LINGO2: variants seen among roughly 807,000 people sequenced by gnomAD.
The protein encoded by LINGO2 is leucine rich repeat and Ig domain containing 2.
In LINGO2, 14 loss-of-function variants were observed where a neutral mutation model predicts 30.6. The observed-to-expected ratio is 0.46, with a 90% CI of 0.30 to 0.72. The LOEUF (loss-of-function observed/expected upper bound fraction) is 0.72, where lower values mean the gene tolerates loss of function less well. Among genes scored for constraint, LINGO2 ranks in the 30% least tolerant of loss-of-function variants. The pLI is 0.07. For synonymous variants in LINGO2, 317 were observed against 288.5 expected, an observed-to-expected ratio of 1.10 and a Z score of -1.00; for missense variants, 729 against 751.7, an observed-to-expected ratio of 0.97 and a Z score of 0.35.
chr9:28,828,275 T>C, the LINGO2 span, among the ~76,000 whole-genome samples: 1 of 151,968 alleles, frequency 6.6e-6, no homozygotes, highest in Non-Finnish European at 1.5e-5. Flanking sequence ...TTCCTTAGAA[T>C]AATGGTTTTA....
At chr9:28,602,305 G>GAAAC (rs199589447) in intron 1 of LINGO2, among the ~76,000 whole-genome samples, 7 of 151,812 alleles carry the variant, frequency 4.6e-5, no homozygotes, top group South Asian at 2.1e-4. Context: ...CTGGCAAATA[G>GAAAC]AAACAAACAA....
intron 4 of LINGO2, among the ~76,000 whole-genome samples, chr9:28,186,483 T>C (rs1391697871): frequency 1.3e-5 from 2 of 152,104 alleles, no homozygotes; most frequent in Non-Finnish European, 2.9e-5. Context: ...TTCACAAGGC[T>C]AATGTTCTAG....
chr9:28,367,259 C>G (rs902616587), intron 3 of LINGO2, among the ~76,000 whole-genome samples: 1 of 152,072 alleles, frequency 6.6e-6, no homozygotes, highest in Non-Finnish European at 1.5e-5. Flanking sequence ...TAATTAACTC[C>G]CAAATCATCC....
rs1426685105 is a variant in LINGO2 at position 28,048,816 on chromosome 9, C to T, written c.-86-36411G>A. On this transcript the variant is annotated intron_variant, in intron 4 of 5. Coordinates refer to ENST00000379992, the Ensembl canonical transcript of LINGO2. ...ATAGAAATGTTAAAAGTACCACAAT[C>T]GATGAAAATAGCAACATATATATGT... Among the ~76,000 whole-genome samples, 4 of 150,096 alleles carry T rather than the reference C, an allele frequency of 2.7e-5. 1 individual carries two copies. Among genetic ancestry groups the T allele is most frequent in the East Asian group, 4.0e-4 (2 of 5,058 alleles).
chr9:29,001,463 T>C, the LINGO2 span, among the ~76,000 whole-genome samples: 1 of 152,108 alleles, frequency 6.6e-6, no homozygotes, highest in East Asian at 1.9e-4. Context: ...GATAAGATCA[T>C]AAAATAAGAA....
chr9:29,179,532 G>A, the LINGO2 span, among the ~76,000 whole-genome samples: 1 of 151,476 alleles, frequency 6.6e-6, no homozygotes, highest in Non-Finnish European at 1.5e-5. Context: ...AGCTTCCCCA[G>A]GAGCTGAGAC....
At chr9:28,171,196 G>A (rs540488737) in intron 4 of LINGO2, among the ~76,000 whole-genome samples, 51 of 152,218 alleles carry the variant, frequency 3.4e-4, no homozygotes, top group African/African-American at 1.2e-3. Context: ...AATGAAAACC[G>A]ACTGCAACAT....
chr9:29,048,766 A>C, the LINGO2 span, among the ~76,000 whole-genome samples: 1 of 152,232 alleles, frequency 6.6e-6, no homozygotes, highest in African/African-American at 2.4e-5. Flanking sequence ...ATCCATATGC[A>C]GAAAAATAAA....
chr9:29,026,457 A>G, the LINGO2 span, among the ~76,000 whole-genome samples: 4 of 152,152 alleles, frequency 2.6e-5, no homozygotes, highest in African/African-American at 7.2e-5. Context: ...TCTAATGATG[A>G]ACTTAATACT....
chr9:27,956,190 G>A (rs113693969), intron 5 of LINGO2, among the ~76,000 whole-genome samples: 1 of 152,092 alleles, frequency 6.6e-6, no homozygotes, highest in African/African-American at 2.4e-5. Flanking sequence ...TGATCTGCCC[G>A]CCTCGGCTCC....
chr9:29,051,894 G>A, the LINGO2 span, among the ~76,000 whole-genome samples: 5 of 151,970 alleles, frequency 3.3e-5, no homozygotes, highest in Non-Finnish European at 5.9e-5. Context: ...ATTAATAATT[G>A]GGTTTCTGTC....
chr9:28,640,943 C>T (rs75089665), intron 1 of LINGO2, among the ~76,000 whole-genome samples: 3 of 152,228 alleles, frequency 2.0e-5, no homozygotes, highest in South Asian at 2.1e-4. Flanking sequence ...TGTTTTTTCC[C>T]CATCTTCATG....
At chr9:29,050,836 T>G in the LINGO2 span, among the ~76,000 whole-genome samples, 1 of 152,088 alleles carries the variant, frequency 6.6e-6, no homozygotes, top group Admixed American at 6.6e-5. Flanking sequence ...AAGCCTCAAT[T>G]TAGAGAGGAA....
chr9:27,947,531 A>G (rs2118236005), downstream of LINGO2, among the ~76,000 whole-genome samples: 1 of 152,332 alleles, frequency 6.6e-6, no homozygotes, highest in East Asian at 1.9e-4. Flanking sequence ...TTATTATACA[A>G]GATAATTTTC....
chr9:28,153,188 AAATATC>A (rs1282647837), intron 4 of LINGO2, among the ~76,000 whole-genome samples: 1 of 152,128 alleles, frequency 6.6e-6, no homozygotes, highest in East Asian at 1.9e-4. Context: ...CTAGTAAAAT[AAATATC>A]AATAATTTTG....
chr9:28,571,250 A>G (rs530966661), intron 1 of LINGO2, among the ~76,000 whole-genome samples: 135 of 152,154 alleles, frequency 8.9e-4, no homozygotes, highest in African/African-American at 3.1e-3. Context: ...CAGAACAGTC[A>G]ATTTCCTAAG....
chr9:28,535,194 A>T (rs888317426), intron 1 of LINGO2, among the ~76,000 whole-genome samples: 2 of 152,190 alleles, frequency 1.3e-5, no homozygotes, highest in Admixed American at 1.3e-4. Context: ...TTTTAATTTT[A>T]TCATATTTAT....
At chr9:29,153,028 G>T in the LINGO2 span, among the ~76,000 whole-genome samples, 1 of 151,994 alleles carries the variant, frequency 6.6e-6, no homozygotes, top group African/African-American at 2.4e-5. Flanking sequence ...CGACTACAGA[G>T]TTCTTGACAC....
intron 2 of LINGO2, among the ~76,000 whole-genome samples, chr9:28,437,263 C>A (rs1823984891): frequency 6.6e-6 from 1 of 152,140 alleles, no homozygotes; most frequent in South Asian, 2.1e-4. Context: ...TCTTCTTCTG[C>A]CTTTGTACTT....
Sources: gnomAD v4.1 joint callset for allele counts (sites outside exome capture counted in the v4.1 genomes callset) on GRCh38, gnomAD v4.1.1 for gene constraint, MANE v1.5 for transcripts, NCBI Gene and HGNC (gene_info 2026-07-23, HGNC 2026-07-21) for gene names.